RAB10: variants seen among roughly 807,000 people sequenced by gnomAD.
RAB10 encodes RAB10, member RAS oncogene family.
RAB10 carries 5 observed loss-of-function variants against 25.7 expected under a neutral mutation model. The ratio of observed to expected loss-of-function variants is 0.19; its 90% CI spans 0.10 to 0.41. The LOEUF (loss-of-function observed/expected upper bound fraction) is 0.41, where lower values mean the gene tolerates loss of function less well. RAB10 is among the 10% of genes least tolerant of loss of function. RAB10 has a pLI of 1.00. For synonymous variants in RAB10, 89 were observed against 86.4 expected (o/e 1.03, Z -0.16); for missense variants, 103 against 245.8 (o/e 0.42, Z 3.89).
chr2:26,097,871 A>T (rs915025105), intron 1 of RAB10, among the ~76,000 whole-genome samples: 1 of 152,124 alleles, frequency 6.6e-6, no homozygotes, highest in African/African-American at 2.4e-5. Flanking sequence ...TTTTTGCTTC[A>T]TGCTAAACAT....
chr2:26,098,838 C>T lies in RAB10; in HGVS notation c.188+116C>T, dbSNP rs1667282920. ...GTGAGACTTTTGTTTTTAAAGCAGG[C>T]AGTCAGGTGACCTTTTTGTGCAGTA... On this transcript the variant is annotated intron_variant, in intron 2 of 5. Transcript: ENST00000264710. 7 of 817,358 alleles carry T rather than the reference C, an allele frequency of 8.6e-6. No individual in the cohort carries two copies. In the Admixed American group the frequency reaches 1.8e-4, roughly 22 times the overall value. The allele number at this position is 817,358 out of a possible 1,614,324, so 50.6% of individuals were successfully genotyped here.
intron 2 of RAB10, among the ~76,000 whole-genome samples, chr2:26,107,295 C>G (rs1667485385): frequency 6.9e-6 from 1 of 145,320 alleles, no homozygotes; most frequent in African/African-American, 2.5e-5. Flanking sequence ...AGACATAACA[C>G]TAAACACATG....
chr2:26,034,040 A>G, upstream of RAB10: 1 of 399,630 alleles, frequency 2.5e-6, no homozygotes, highest in Non-Finnish European at 4.4e-6. Context: ...GGCGGACCGC[A>G]AGGCTAGGGC....
chr2:26,129,433 T>A (rs559429348), intron 5 of RAB10, among the ~76,000 whole-genome samples: 2 of 152,354 alleles, frequency 1.3e-5, no homozygotes, highest in African/African-American at 4.8e-5. Flanking sequence ...GGTAGATGTT[T>A]GTTTTTAAAT....
At chr2:26,089,196 G>A (rs966562617) in intron 1 of RAB10, among the ~76,000 whole-genome samples, 12 of 151,938 alleles carry the variant, frequency 7.9e-5, no homozygotes, top group African/African-American at 2.9e-4. Context: ...AGGCCAAGGT[G>A]GGTGGATCAC....
rs1668096374 is a variant in RAB10, at chr2:26,135,659, G to C, written c.*638G>C. The C allele has an allele frequency of 6.6e-6, 1 of 152,632 alleles. No homozygotes were observed. Among genetic ancestry groups the C allele is most frequent in the African/African-American group, 2.4e-5 (1 of 41,456 alleles). 9.5% of individuals were successfully genotyped at this position (152,632 alleles called of 1,614,324 possible). A position where few individuals can be genotyped will look rare whatever the true frequency, so the allele number is the denominator to read the frequency against. ...TTGCTTGGCTGTAATTTTCAAAGTA[G>C]TTAATTGAGGACAAAGGGTAATGCA... On this transcript the variant is annotated 3_prime_UTR_variant, in exon 6 of 6. Transcript: ENST00000264710.
intron 1 of RAB10, among the ~76,000 whole-genome samples, chr2:26,068,501 C>T (rs1666557471): frequency 1.3e-5 from 2 of 151,940 alleles, no homozygotes. Flanking sequence ...GGATTATGAG[C>T]GATTATATGT....
chr2:26,072,591 A>T (rs1666651236), intron 1 of RAB10, among the ~76,000 whole-genome samples: 1 of 152,168 alleles, frequency 6.6e-6, no homozygotes, highest in African/African-American at 2.4e-5. Flanking sequence ...AGTGTTGAAG[A>T]ATAATGTTTA....
chr2:26,064,461 A>T (rs1666472179), intron 1 of RAB10, among the ~76,000 whole-genome samples: 1 of 152,040 alleles, frequency 6.6e-6, no homozygotes, highest in East Asian at 1.9e-4. Context: ...AGCTGGGACT[A>T]CAGGGGTGTG....
chr2:26,075,979 A>C (rs73920229), intron 1 of RAB10, among the ~76,000 whole-genome samples: 229 of 152,280 alleles, frequency 1.5e-3, no homozygotes, highest in African/African-American at 5.3e-3. Context: ...GAGGTGTATC[A>C]ATAAGGGCAG....
intron 1 of RAB10, among the ~76,000 whole-genome samples, chr2:26,043,288 G>A (rs1361091573): frequency 1.3e-5 from 2 of 152,154 alleles, no homozygotes; most frequent in African/African-American, 2.4e-5. Flanking sequence ...TGTACATGTT[G>A]GCGCATGCCT....
chr2:26,090,486 AGTTCT>A (rs1667077716), intron 1 of RAB10, among the ~76,000 whole-genome samples: 1 of 117,328 alleles, frequency 8.5e-6, no homozygotes, highest in South Asian at 3.0e-4. Flanking sequence ...AGATTCTTTT[AGTTCT>A]GTTTTCTTGC....
At chr2:26,059,309 A>G (rs1250507059) in intron 1 of RAB10, among the ~76,000 whole-genome samples, 5 of 152,228 alleles carry the variant, frequency 3.3e-5, no homozygotes, top group African/African-American at 1.2e-4. Flanking sequence ...ATAGTCCAGT[A>G]TGTGCTAGAT....
chr2:26,042,968 A>G (rs1308232670), intron 1 of RAB10, among the ~76,000 whole-genome samples: 4 of 152,162 alleles, frequency 2.6e-5, no homozygotes, highest in Non-Finnish European at 5.9e-5. Flanking sequence ...AAAGCAAGTG[A>G]TGAGGTTGTA....
At chr2:26,102,693 C>T (rs1667368644) in intron 2 of RAB10, among the ~76,000 whole-genome samples, 1 of 152,132 alleles carries the variant, frequency 6.6e-6, no homozygotes, top group Non-Finnish European at 1.5e-5. Context: ...CCACCTCGGC[C>T]TCCCAAAGTG....
intron 3 of RAB10, among the ~76,000 whole-genome samples, chr2:26,120,045 T>C (rs1424419690): frequency 1.3e-5 from 2 of 152,232 alleles, no homozygotes; most frequent in African/African-American, 4.8e-5. Context: ...TAATTTTCCC[T>C]TTTTTATACT....
Position 26,034,533 on chromosome 2 carries a change from AGTGAGGAGTTGGCCGTAGTGAGAGGGACC to A in RAB10, c.-74_-46del. ...CGGTCCTCCGGCCTGAGAACGCCCG[AGTGAGGAGTTGGCCGTAGTGAGAGGGACC>A]GATCCCTTGGGGCCGCCGGCGGCGA... On this transcript the variant is annotated 5_prime_UTR_variant, in exon 1 of 6. Coordinates refer to ENST00000264710, the MANE Select transcript of RAB10 (RefSeq NM_016131.5). The A allele has an allele frequency of 6.3e-7, 1 of 1,590,262 alleles. No homozygotes were observed. Among genetic ancestry groups the A allele is most frequent in the Non-Finnish European group, 8.6e-7 (1 of 1,166,628 alleles).
chr2:26,087,676 A>G (rs1295615733), intron 1 of RAB10, among the ~76,000 whole-genome samples: 1 of 152,212 alleles, frequency 6.6e-6, no homozygotes, highest in African/African-American at 2.4e-5. Flanking sequence ...TGCTGGGATT[A>G]CAGGTGTGAG....
intron 1 of RAB10, among the ~76,000 whole-genome samples, chr2:26,091,564 T>C (rs2149277666): frequency 6.6e-6 from 1 of 152,272 alleles, no homozygotes; most frequent in Admixed American, 6.5e-5. Flanking sequence ...TAGGGCCTTA[T>C]TTATGGATTT....
Sources: allele counts gnomAD v4.1 joint callset (sites outside exome capture counted in the v4.1 genomes callset), GRCh38; gene constraint gnomAD v4.1.1; transcripts MANE v1.5; gene names NCBI Gene and HGNC (gene_info 2026-07-23, HGNC 2026-07-21).